Variants in SMAP1 observed in about 807,000 individuals in gnomAD.
The protein encoded by SMAP1 is stromal membrane-associated protein 1.
SMAP1 carries 24 observed loss-of-function variants against 58.5 expected under a neutral mutation model. The observed-to-expected ratio is 0.41, with a 90% CI of 0.30 to 0.58. The LOEUF is 0.58. SMAP1 is among the 20% of genes least tolerant of loss of function. The probability of loss-of-function intolerance (pLI) is 0.29; values close to 1 mark genes in which losing one functional copy is unlikely to be tolerated. For synonymous variants in SMAP1, 216 were observed against 196.6 expected, an observed-to-expected ratio of 1.10 and a Z score of -0.82; for missense variants, 563 against 566.3, an observed-to-expected ratio of 0.99 and a Z score of 0.06.
chr6:70,681,113 T>TA (rs113158590), intron 1 of SMAP1, among the ~76,000 whole-genome samples: 71,865 of 147,632 alleles, frequency 0.49, 17,526 homozygotes, highest in Non-Finnish European at 0.52. Context: ...GGAGTTTATT[T>TA]AAAAAAAAAA....
chr6:70,686,699 A>C (rs1024153672), intron 1 of SMAP1, among the ~76,000 whole-genome samples: 3 of 152,230 alleles, frequency 2.0e-5, no homozygotes, highest in African/African-American at 7.2e-5. Context: ...AATACAGTAT[A>C]TACGAAGTGG....
intron 6 of SMAP1, among the ~76,000 whole-genome samples, chr6:70,820,396 G>A (rs189562317): frequency 5.8e-4 from 89 of 152,240 alleles, no homozygotes; most frequent in Admixed American, 1.4e-3. Context: ...TTGATACAGA[G>A]ACTAGAGAAA....
intron 3 of SMAP1, among the ~76,000 whole-genome samples, chr6:70,762,570 T>G (rs1319288988): frequency 6.6e-6 from 1 of 152,168 alleles, no homozygotes; most frequent in Non-Finnish European, 1.5e-5. Context: ...AGATATAGCA[T>G]GTTTTCCAAA....
chr6:70,790,189 G>A (rs974334208), intron 4 of SMAP1, among the ~76,000 whole-genome samples: 2 of 151,974 alleles, frequency 1.3e-5, no homozygotes, highest in South Asian at 2.1e-4. Flanking sequence ...CTCCGAGGCT[G>A]GAGTGCAGTG....
chr6:70,712,010 T>C (rs1768076256), intron 1 of SMAP1, among the ~76,000 whole-genome samples: 1 of 152,248 alleles, frequency 6.6e-6, no homozygotes, highest in African/African-American at 2.4e-5. Flanking sequence ...TTGTACCAGA[T>C]CTTGGAAGAA....
intron 2 of SMAP1, among the ~76,000 whole-genome samples, chr6:70,752,221 C>T (rs1349989933): frequency 1.3e-5 from 2 of 152,158 alleles, no homozygotes; most frequent in Non-Finnish European, 2.9e-5. Flanking sequence ...CCTCTTTGTG[C>T]CTCAGTTTCC....
chr6:70,769,104 TG>T (rs1767145082), intron 3 of SMAP1, among the ~76,000 whole-genome samples: 1 of 152,254 alleles, frequency 6.6e-6, no homozygotes, highest in Non-Finnish European at 1.5e-5. Context: ...GATTGCACTG[TG>T]GTCTGAGAGA....
intron 4 of SMAP1, among the ~76,000 whole-genome samples, chr6:70,783,441 T>A (rs934857478): frequency 1.3e-5 from 2 of 152,256 alleles, no homozygotes; most frequent in South Asian, 4.1e-4. Flanking sequence ...AACGGAACAA[T>A]GCTGGACAGA....
At chr6:70,681,678 T>G (rs1581990505) in intron 1 of SMAP1, among the ~76,000 whole-genome samples, 2 of 152,158 alleles carry the variant, frequency 1.3e-5, no homozygotes, top group East Asian at 1.9e-4. Flanking sequence ...GTGTGTGTGT[T>G]TTTTATTTGT....
At chr6:70,720,596 A>T (rs888343844) in intron 1 of SMAP1, among the ~76,000 whole-genome samples, 2 of 152,228 alleles carry the variant, frequency 1.3e-5, no homozygotes, top group African/African-American at 4.8e-5. Context: ...CCCCTGCAGC[A>T]AACTTGTGCC....
intron 1 of SMAP1, among the ~76,000 whole-genome samples, chr6:70,731,306 C>T (rs149434371): frequency 1.3e-5 from 2 of 152,178 alleles, no homozygotes; most frequent in East Asian, 3.9e-4. Context: ...AGAATATATT[C>T]AAAGGTATGA....
At chr6:70,811,275 G>T (rs1295640862) in intron 6 of SMAP1, among the ~76,000 whole-genome samples, 1 of 152,164 alleles carries the variant, frequency 6.6e-6, no homozygotes, top group African/African-American at 2.4e-5. Context: ...ATTAGGGATA[G>T]AGTGGCCAGG....
chr6:70,838,152 A>ACT (rs1770671172), intron 7 of SMAP1, among the ~76,000 whole-genome samples: 1 of 152,194 alleles, frequency 6.6e-6, no homozygotes. Context: ...AGAAATTATT[A>ACT]TTAAAGTAAA....
intron 5 of SMAP1, among the ~76,000 whole-genome samples, chr6:70,798,193 A>G (rs1187818964): frequency 1.3e-5 from 2 of 151,750 alleles, no homozygotes; most frequent in African/African-American, 2.4e-5. Flanking sequence ...AAAAAAGCTG[A>G]TTTTATAGTC....
intron 3 of SMAP1, among the ~76,000 whole-genome samples, chr6:70,764,979 T>G (rs1188172425): frequency 2.0e-5 from 3 of 152,144 alleles, no homozygotes; most frequent in Non-Finnish European, 4.4e-5. Context: ...TTTTGTATTT[T>G]TTTGTAGAGA....
intron 4 of SMAP1, among the ~76,000 whole-genome samples, chr6:70,787,773 TG>T (rs1339414305): frequency 6.6e-6 from 1 of 151,620 alleles, no homozygotes; most frequent in East Asian, 1.9e-4. Context: ...CCAGTTAGAA[TG>T]GCAATCATTG....
chr6:70,682,741 A>C (rs1162082724), intron 1 of SMAP1, among the ~76,000 whole-genome samples: 1 of 152,280 alleles, frequency 6.6e-6, no homozygotes, highest in East Asian at 1.9e-4. Context: ...CACCACTACT[A>C]TCTAAAGAAT....
intron 3 of SMAP1, among the ~76,000 whole-genome samples, chr6:70,771,057 G>A (rs747165441): frequency 1.3e-5 from 2 of 151,596 alleles, no homozygotes. Flanking sequence ...GTGGCTACAG[G>A]ACAGCGGATT....
rs558351557 is a variant in SMAP1, at chr6:70,847,519, G to A, written c.665-5021G>A. ...ACTTACCACAAGCTACTTAACTGTA[G>A]GTTTGATGTCTTGCCTTTAAGATGG... On this transcript the variant is annotated intron_variant, in intron 7 of 10. Transcript: ENST00000370455. Among the ~76,000 whole-genome samples the A allele has an allele frequency of 1.6e-3, 240 of 152,210 alleles. 1 individual carries two copies. In the South Asian group the frequency reaches 0.018, roughly 11 times the overall value.
Sources: allele counts gnomAD v4.1 joint callset (sites outside exome capture counted in the v4.1 genomes callset), GRCh38; gene constraint gnomAD v4.1.1; transcripts MANE v1.5; gene names NCBI Gene and HGNC (gene_info 2026-07-23, HGNC 2026-07-21).